Variants in HSPG2 observed in about 807,000 individuals in gnomAD.
The protein encoded by HSPG2 is basement membrane-specific heparan sulfate proteoglycan core protein.
In HSPG2, 278 loss-of-function variants were observed where a neutral mutation model predicts 526.6. The observed-to-expected ratio is 0.53, with a 90% CI of 0.48 to 0.58. The LOEUF (loss-of-function observed/expected upper bound fraction) is 0.58, where lower values mean the gene tolerates loss of function less well. HSPG2 is among the 20% of genes least tolerant of loss of function. HSPG2 has a pLI of 0.00. For synonymous variants in HSPG2, 2,465 were observed against 2,555.4 expected, an observed-to-expected ratio of 0.96 and a Z score of 1.07; for missense variants, 5,354 against 6,099.5, an observed-to-expected ratio of 0.88 and a Z score of 4.07.
chr1:21,838,882 A>G lies in HSPG2; in HGVS notation c.10093T>C (p.Cys3365Arg), dbSNP rs751722588. Reference protein sequence around the residue: ...AAPEDSGRYRCRVTNKVGSAE... With the variant: ...AAPEDSGRYRRRVTNKVGSAE... Reference sequence around the variant, plus strand: ...GAGCCCACCTTGTTGGTGACCCGGCAGCGGTAGCGGCCTGAGTCCTCAGGG... The same window carrying G: ...GAGCCCACCTTGTTGGTGACCCGGCGGCGGTAGCGGCCTGAGTCCTCAGGG... The change falls in exon 74 of 97, where the codon TGC becomes CGC. Residue 3365 changes from cysteine (C) to arginine (R), a missense_variant. Coordinates refer to ENST00000374695, the MANE Select transcript of HSPG2 (RefSeq NM_005529.7). The G allele has an allele frequency of 6.2e-7, 1 of 1,612,718 alleles. No homozygotes were observed. Among genetic ancestry groups the G allele is most frequent in the Non-Finnish European group, 8.5e-7 (1 of 1,179,694 alleles).
At position 21,875,899 on chromosome 1, in the gene HSPG2, G is replaced by C. The variant is rs762525445; in HGVS notation, c.3147C>G (p.Pro1049=). The C allele has an allele frequency of 1.9e-6, 3 of 1,614,128 alleles. No homozygotes were observed. Among genetic ancestry groups the C allele is most frequent in the Admixed American group, 1.7e-5 (1 of 60,034 alleles). Residue 1049 remains proline, a synonymous_variant, in exon 24 of 97, where the codon CCC becomes CCG. Coordinates refer to ENST00000374695, the MANE Select transcript of HSPG2 (RefSeq NM_005529.7). ...LEHHVAQEPS[P]GQPSTFIVPF... is the part of the protein sequence containing the mutation. ...GCACAATGAAGGTGCTGGGCTGGCC[G>C]GGGCTGGGCTCCTGGGCCACATGGT...
chr1:21,838,190 A>T (rs548543873), intron 74 of HSPG2, among the ~76,000 whole-genome samples: 2 of 150,910 alleles, frequency 1.3e-5, no homozygotes, highest in African/African-American at 4.9e-5. Context: ...AGGTTCAGTG[A>T]CTTGGCCAAG....
At chr1:21,911,852 T>C (rs1643700423) in intron 1 of HSPG2, among the ~76,000 whole-genome samples, 1 of 152,152 alleles carries the variant, frequency 6.6e-6, no homozygotes, top group Non-Finnish European at 1.5e-5. Context: ...GTGCCAAGCC[T>C]TTCCAGCCCG....
In HSPG2 at chr1:21,870,866, C is replaced by G. The variant is rs1640590618; in HGVS notation, c.4221+1320G>C. On this transcript the variant is annotated intron_variant, in intron 33 of 96. Coordinates refer to ENST00000374695, the MANE Select transcript of HSPG2 (RefSeq NM_005529.7). ...GCCCGGCGCATCCGCGCAAAGTACG[C>G]CTCCCCCTGTGGGGCGCAGGGAAAT... is the stretch of plus-strand genomic sequence containing the variant. The G allele has an allele frequency of 8.1e-6, 8 of 986,326 alleles. No homozygotes were observed. In the South Asian group the frequency reaches 3.3e-4, roughly 41 times the overall value. The allele number at this position is 986,326 out of a possible 1,614,324, so 61.1% of individuals were successfully genotyped here.
intron 66 of HSPG2, 109 bp downstream of exon 66, chr1:21,843,188 C>G: frequency 6.6e-7 from 1 of 1,510,330 alleles, no homozygotes; most frequent in South Asian, 1.1e-5. Flanking sequence ...GTAGGAAACC[C>G]CGCCTGCAGG....
At chr1:21,900,497 A>G (rs1643039391) in intron 1 of HSPG2, among the ~76,000 whole-genome samples, 1 of 152,172 alleles carries the variant, frequency 6.6e-6, no homozygotes, top group Admixed American at 6.5e-5. Flanking sequence ...TTGTGTCATT[A>G]GGGACAATGA....
chr1:21,849,998 C>G, intron 57 of HSPG2, 43 bp downstream of exon 57: 2 of 1,610,524 alleles, frequency 1.2e-6, no homozygotes, highest in Non-Finnish European at 1.7e-6. Flanking sequence ...TCTTGTACTG[C>G]AGCTACAGGG....
Position 21,895,422 on chromosome 1 carries a change from A to T in HSPG2, c.244+500T>A, listed in dbSNP as rs1212887526. ...AGGAACCCTTGCTTCCCAGCCGATGACCCACCTTAAGGCAAGGTTCTCTCC... is the reference window on the plus strand; with the variant it reads ...AGGAACCCTTGCTTCCCAGCCGATGTCCCACCTTAAGGCAAGGTTCTCTCC... On this transcript the variant is annotated intron_variant, in intron 3 of 96. Coordinates refer to ENST00000374695, the MANE Select transcript of HSPG2 (RefSeq NM_005529.7). This position sits in a 1 kb window ranked among gnomAD's most constrained non-coding sequence, Gnocchi z 4.1. Among the ~76,000 whole-genome samples, 1 of 151,978 alleles carries T rather than the reference A, an allele frequency of 6.6e-6. No individual in the cohort carries two copies. The highest frequency in any genetic ancestry group is 1.5e-5 in the Non-Finnish European group (1 of 67,960).
chr1:21,864,857 C>A lies in HSPG2; in HGVS notation c.4612G>T (p.Gly1538Cys). The change falls in exon 36 of 97, where the codon GGT (glycine) becomes TGT (cysteine). Residue 1538 changes from glycine (G) to cysteine (C), a missense_variant. Transcript: ENST00000374695. This position sits in a 1 kb window ranked among gnomAD's most constrained non-coding sequence, Gnocchi z 4.8. ...CACACACTCACCTGGCAGGACAGAC[C>A]GATGTAGCCTGGCGGGCAGCGGCAC... ...EECRCPPGYI[G>C]LSCQDCAPGY... 6.2e-7 allele frequency: 1 copy of A among 1,610,066 alleles called. No homozygotes were observed. The highest frequency in any genetic ancestry group is 8.5e-7 in the Non-Finnish European group (1 of 1,179,052).
In HSPG2 at chr1:21,825,197, A is replaced by T. The variant is rs988663187; in HGVS notation, c.12590-418T>A. The T allele has an allele frequency of 3.7e-5, 9 of 245,558 alleles. No homozygotes were observed. In the Admixed American group the frequency reaches 4.5e-4, roughly 12 times the overall value. 15.2% of individuals were successfully genotyped at this position (245,558 alleles called of 1,614,324 possible). On this transcript the variant is annotated intron_variant, in intron 91 of 96. Transcript: ENST00000374695. ...TTATTTGATGTGTTAATAAAGAAGC[A>T]CATATATAGCAAGTCAGGAAACTTA...
chr1:21,849,929 T>G, intron 57 of HSPG2, 112 bp downstream of exon 57: 23 of 1,319,696 alleles, frequency 1.7e-5, no homozygotes, highest in Non-Finnish European at 2.3e-5. Context: ...CTTCCTGCCT[T>G]GGCCTCCCAA....
At position 21,890,548 on chromosome 1, in the gene HSPG2, C is replaced by T. The variant is rs1217026186; in HGVS notation, c.354+37G>A. On this transcript the variant is annotated intron_variant, in intron 4 of 96. Coordinates refer to ENST00000374695, the MANE Select transcript of HSPG2 (RefSeq NM_005529.7). The surrounding 1 kb of genome is among the most constrained non-coding windows in gnomAD (Gnocchi z 4.1). ...TCACCCCATCCTCGGTCCTGCCCCG[C>T]CACACCCGCGAGCTTCCCAAACCCC... is the stretch of plus-strand genomic sequence containing the variant. 7 of 1,609,718 alleles carry T rather than the reference C, an allele frequency of 4.3e-6. No individual in the cohort carries two copies. The South Asian group carries it at 6.6e-5, about 15-fold the overall frequency.
chr1:21,835,978 C>T (rs2098024832), intron 75 of HSPG2, among the ~76,000 whole-genome samples: 1 of 115,628 alleles, frequency 8.6e-6, no homozygotes, highest in Non-Finnish European at 1.7e-5. Flanking sequence ...AGTAAGATTC[C>T]ATCTCAAAAA....
Position 21,847,454 on chromosome 1 carries a change from C to T in HSPG2, c.8064G>A (p.Val2688=). Residue 2688 remains valine, a synonymous_variant, in exon 62 of 97, where the codon GTG becomes GTA. Coordinates refer to ENST00000374695, the MANE Select transcript of HSPG2 (RefSeq NM_005529.7). This position sits in a 1 kb window ranked among gnomAD's most constrained non-coding sequence, Gnocchi z 4.1. ...GSHLRLHQMS[V]ADSGEYVCRA... The stretch of plus-strand genomic sequence containing the variant: ...GGCACACATACTCGCCCGAGTCAGC[C>T]ACAGACATTTGGTGCAACCGCAGGT... 6.2e-7 allele frequency: 1 copy of T among 1,613,926 alleles called. No individual in the cohort carries two copies. Among genetic ancestry groups the T allele is most frequent in the Non-Finnish European group, 8.5e-7 (1 of 1,180,026 alleles).
intron 10 of HSPG2, 33 bp downstream of exon 10, chr1:21,885,287 G>A (rs1208045679): frequency 1.2e-6 from 2 of 1,613,520 alleles, no homozygotes; most frequent in Non-Finnish European, 1.7e-6. Flanking sequence ...ACCCAGCCCA[G>A]GGCCCGCATC....
chr1:21,846,180 T>C lies in HSPG2; in HGVS notation c.8392A>G (p.Ser2798Gly). The change falls in exon 64 of 97, where the codon AGC (serine) becomes GGC (glycine). Residue 2798 changes from serine (S) to glycine (G), a missense_variant. Ser to Gly is a moderately conservative substitution (Grantham distance 56). Transcript: ENST00000374695. ...ACTGAGGCCTCCAGGGGGCCAGAGC[T>C]GCCCATCACCCGGCACACGTATTCA... ...SGEYVCRVMG[S>G]SGPLEASVLV... is the part of the protein sequence containing the mutation. 2 of 1,613,072 alleles carry C rather than the reference T, an allele frequency of 1.2e-6. No homozygotes were observed. Among genetic ancestry groups the C allele is most frequent in the Non-Finnish European group, 1.7e-6 (2 of 1,180,002 alleles).
intron 20 of HSPG2, 25 bp downstream of exon 20, chr1:21,878,408 A>AG (rs1557769843): frequency 6.3e-7 from 1 of 1,594,408 alleles, no homozygotes; most frequent in Non-Finnish European, 8.6e-7. Context: ...GGTGGGTGTC[A>AG]GGGGATGGTG....
intron 1 of HSPG2, among the ~76,000 whole-genome samples, chr1:21,936,930 G>C (rs911195131): frequency 6.6e-6 from 1 of 151,940 alleles, no homozygotes; most frequent in Non-Finnish European, 1.5e-5. Flanking sequence ...GGCCAGCCCC[G>C]CCCCCAGCCC....
Position 21,828,905 on chromosome 1 carries a change from C to G in HSPG2, c.12167G>C (p.Gly4056Ala). The change falls in exon 88 of 97, where the codon GGT becomes GCT. Residue 4056 changes from glycine to alanine, a missense_variant. Gly to Ala is a moderately conservative substitution (Grantham distance 60). Transcript: ENST00000374695. This position sits in a 1 kb window ranked among gnomAD's most constrained non-coding sequence, Gnocchi z 6.0. ...LNLHTLLYLG[G>A]VEPSVPLSPA... The stretch of plus-strand genomic sequence containing the variant: ...GGACAGTGGCACGGAAGGCTCCACA[C>G]CCCCCAGGTAGAGCAGGGTGTGCAG... 2 of 1,559,440 alleles carry G rather than the reference C, an allele frequency of 1.3e-6. No homozygotes were observed. The highest frequency in any genetic ancestry group is 1.7e-6 in the Non-Finnish European group (2 of 1,151,628).
Sources: gnomAD v4.1 joint callset for allele counts (sites outside exome capture counted in the v4.1 genomes callset) on GRCh38, gnomAD v4.1.1 for gene constraint, Gnocchi (gnomAD v3.1) non-coding constraint, MANE v1.5 for transcripts, NCBI Gene and HGNC (gene_info 2026-07-23, HGNC 2026-07-21) for gene names.